CGRRF1: variants seen among roughly 807,000 people sequenced by gnomAD.
CGRRF1 encodes the protein cell growth regulator with ring finger domain 1.
Under a neutral mutation model 37.2 loss-of-function variants are expected in CGRRF1, and 32 were observed. The ratio of observed to expected loss-of-function variants is 0.86; its 90% confidence interval spans 0.65 to 1.16. The LOEUF is 1.16. CGRRF1 is among the 50% of genes most tolerant of loss of function. The pLI is 0.00. For synonymous variants in CGRRF1, 141 were observed against 140.3 expected, an observed-to-expected ratio of 1.00 and a Z score of -0.04; for missense variants, 391 against 382.6, an observed-to-expected ratio of 1.02 and a Z score of -0.18.
rs747816122 is a variant in CGRRF1 at position 54,538,657 on chromosome 14, G to A, written c.*274G>A. ...TTTTATTAGCTAGATTTCCTCTCAT[G>A]TTAATTAGAAAAATCATTCTGAAAG... On this transcript the variant is annotated 3_prime_UTR_variant, in exon 6 of 6. Coordinates refer to ENST00000216420, the MANE Select transcript of CGRRF1 (RefSeq NM_006568.3). 1.6e-5 allele frequency: 4 copies of A among 246,972 alleles called. No individual in the cohort carries two copies. Among genetic ancestry groups the A allele is most frequent in the Non-Finnish European group, 2.3e-5 (3 of 129,418 alleles). 15.3% of individuals were successfully genotyped at this position (246,972 alleles called of 1,614,324 possible).
At chr14:54,536,002 C>T (rs1349408436) in intron 4 of CGRRF1, 2 of 152,198 alleles carry the variant, frequency 1.3e-5, no homozygotes, top group Non-Finnish European at 2.9e-5. Flanking sequence ...TTAGTTCTCT[C>T]AAAAGTCAGA....
At chr14:54,533,349 TTAA>T in intron 4 of CGRRF1, among the ~76,000 whole-genome samples, 1 of 151,932 alleles carries the variant, frequency 6.6e-6, no homozygotes, top group African/African-American at 2.4e-5. Context: ...CTCCCAAGGG[TTAA>T]CAGCCATCTT....
At chr14:54,526,742 T>C (rs1345853043) in intron 2 of CGRRF1, among the ~76,000 whole-genome samples, 2 of 152,182 alleles carry the variant, frequency 1.3e-5, no homozygotes, top group Non-Finnish European at 2.9e-5. Flanking sequence ...GAGCTAACAT[T>C]AAAGCAAAAG....
At chr14:54,511,627 A>G (rs1180695879) in intron 1 of CGRRF1, among the ~76,000 whole-genome samples, 1 of 152,222 alleles carries the variant, frequency 6.6e-6, no homozygotes, top group African/African-American at 2.4e-5. Flanking sequence ...AATCTTTAGT[A>G]TTGGGAAGAG....
intron 5 of CGRRF1, 107 bp from the exon 6 acceptor site, chr14:54,537,956 A>C: frequency 6.7e-7 from 1 of 1,481,552 alleles, no homozygotes; most frequent in Non-Finnish European, 9.0e-7. Flanking sequence ...TGTTCTTTGC[A>C]ATTGAATTTG....
chr14:54,510,936 A>G (rs2032119542), intron 1 of CGRRF1, among the ~76,000 whole-genome samples: 1 of 152,244 alleles, frequency 6.6e-6, no homozygotes, highest in Admixed American at 6.5e-5. Context: ...GATAACAGCC[A>G]TGGTCTGAAG....
chr14:54,520,386 G>A (rs2032295845), intron 1 of CGRRF1, among the ~76,000 whole-genome samples: 2 of 152,094 alleles, frequency 1.3e-5, no homozygotes, highest in African/African-American at 4.8e-5. Flanking sequence ...ATCCGCCTCG[G>A]CCTCCCAAAG....
intron 2 of CGRRF1, 122 bp from the exon 3 acceptor site, chr14:54,529,927 A>G (rs1336177631): frequency 1.3e-5 from 9 of 681,770 alleles, no homozygotes; most frequent in Non-Finnish European, 2.2e-5. Context: ...CCCTTTAACA[A>G]GTTCTTTTAA....
rs746524610 is a variant in CGRRF1 at position 54,530,038 on chromosome 14, GT to G, written c.245-5del. On this transcript the variant is annotated splice_polypyrimidine_tract_variant and intron_variant, in intron 2 of 5. Transcript: ENST00000216420. Reference sequence around the variant, plus strand: ...AAATCACTTTCATTCTTTCTCCTTTGTTTTTTACAGCTGGCATAACCTTGAC... The same window carrying G: ...AAATCACTTTCATTCTTTCTCCTTTGTTTTTACAGCTGGCATAACCTTGAC... 6.3e-7 allele frequency: 1 copy of G among 1,595,878 alleles called. No homozygotes were observed. The highest frequency in any genetic ancestry group is 1.3e-5 in the African/African-American group (1 of 74,472).
chr14:54,533,163 T>C (rs1191961730), intron 4 of CGRRF1, among the ~76,000 whole-genome samples: 2 of 151,778 alleles, frequency 1.3e-5, no homozygotes, highest in African/African-American at 2.4e-5. Context: ...TGGTAAAATA[T>C]ATATATTTTA....
intron 4 of CGRRF1, among the ~76,000 whole-genome samples, chr14:54,532,879 C>G (rs1238541101): frequency 6.6e-6 from 1 of 151,992 alleles, no homozygotes; most frequent in Non-Finnish European, 1.5e-5. Flanking sequence ...ATTGGTGTCT[C>G]CTATTTCTAG....
intron 1 of CGRRF1, among the ~76,000 whole-genome samples, chr14:54,515,099 T>G (rs78424802): frequency 0.052 from 7,797 of 148,966 alleles, 394 homozygotes; most frequent in East Asian, 0.27. Context: ...TGTTTTTTTT[T>G]TTTTTTTTGA....
At chr14:54,531,562 C>T (rs1005549685) in intron 4 of CGRRF1, among the ~76,000 whole-genome samples, 3 of 152,050 alleles carry the variant, frequency 2.0e-5, no homozygotes, top group Non-Finnish European at 2.9e-5. Flanking sequence ...CAATAATGAT[C>T]GAAAGTGCTC....
intron 1 of CGRRF1, among the ~76,000 whole-genome samples, chr14:54,513,618 A>ATGTTATGTAATGTT (rs1566506197): frequency 4.0e-4 from 24 of 59,478 alleles, no homozygotes; most frequent in African/African-American, 1.3e-3. Flanking sequence ...TATGTTATGT[A>ATGTTATGTAATGTT]ATGTTATGTT....
intron 2 of CGRRF1, among the ~76,000 whole-genome samples, chr14:54,529,338 T>G (rs2032468109): frequency 6.6e-6 from 1 of 152,218 alleles, no homozygotes; most frequent in Non-Finnish European, 1.5e-5. Flanking sequence ...TAAATAAAAC[T>G]GTATAATTTC....
intron 1 of CGRRF1, among the ~76,000 whole-genome samples, chr14:54,513,614 ATGTAATGTT>A (rs1176861651): frequency 1.5e-4 from 23 of 150,698 alleles, no homozygotes; most frequent in Admixed American, 5.4e-4. Context: ...ATGTTATGTT[ATGTAATGTT>A]ATGTTATGTT....
intron 2 of CGRRF1, among the ~76,000 whole-genome samples, chr14:54,524,858 T>C (rs1208798392): frequency 6.6e-6 from 1 of 152,138 alleles, no homozygotes; most frequent in African/African-American, 2.4e-5. Context: ...TTTTGAGATA[T>C]GACACAGATA....
At chr14:54,517,929 G>A (rs972114063) in intron 1 of CGRRF1, among the ~76,000 whole-genome samples, 23 of 152,252 alleles carry the variant, frequency 1.5e-4, no homozygotes, top group African/African-American at 5.1e-4. Flanking sequence ...CCAGCTTGAC[G>A]CATTTTCCTG....
At chr14:54,524,793 C>A (rs958193140) in intron 2 of CGRRF1, among the ~76,000 whole-genome samples, 1 of 152,142 alleles carries the variant, frequency 6.6e-6, no homozygotes, top group African/African-American at 2.4e-5. Context: ...CTCCCCGCTC[C>A]TTCCCTATAA....
Sources: gnomAD v4.1 joint callset for allele counts (sites outside exome capture counted in the v4.1 genomes callset) on GRCh38, gnomAD v4.1.1 for gene constraint, MANE v1.5 for transcripts, NCBI Gene and HGNC (gene_info 2026-07-23, HGNC 2026-07-21) for gene names.